Variants in GYS1 observed in about 807,000 individuals in gnomAD.
GYS1 encodes glycogen synthase 1, also known as glycogen [starch] synthase, muscle.
Under a neutral mutation model 89.1 loss-of-function variants are expected in GYS1, and 60 were observed. The ratio of observed to expected loss-of-function variants is 0.67; its 90% CI spans 0.55 to 0.84. GYS1 has a LOEUF of 0.84. Among genes scored for constraint, GYS1 ranks in the 40% least tolerant of loss-of-function variants. GYS1 has a pLI of 0.00. For missense variants in GYS1, 888 were observed against 1,003.1 expected, an observed-to-expected ratio of 0.89 and a Z score of 1.55; for synonymous variants, 366 against 401.7, an observed-to-expected ratio of 0.91 and a Z score of 1.06.
chr19:48,973,169 C>T (rs982959915), intron 12 of GYS1, among the ~76,000 whole-genome samples: 3 of 152,040 alleles, frequency 2.0e-5, no homozygotes, highest in Admixed American at 2.0e-4. Context: ...TATAAATGTT[C>T]GTTTTTCCTG....
At position 48,991,324 on chromosome 19, in the gene GYS1, G is replaced by A. The variant is rs754411503; in HGVS notation, c.278C>T (p.Ser93Phe). The A allele has an allele frequency of 3.6e-5, 58 of 1,613,830 alleles. No individual in the cohort carries two copies. Among genetic ancestry groups the A allele is most frequent in the Non-Finnish European group, 4.7e-5 (55 of 1,180,050 alleles). Residue 93 changes from serine (S) to phenylalanine (F), a missense_variant, in exon 2 of 16, where the codon TCC (serine) becomes TTC (phenylalanine). Transcript: ENST00000323798. The surrounding 1 kb of genome is among the most constrained non-coding windows in gnomAD (Gnocchi z 4.7). Reference protein sequence around the residue: ...PTPALKRTLDSMNSKGCKVYF... With the variant: ...PTPALKRTLDFMNSKGCKVYF... ...CACCTTGCAGCCCTTGCTGTTCATG[G>A]AATCCAGTGTCCTCTTCAGGGCCGG... is the stretch of plus-strand genomic sequence containing the variant.
intron 2 of GYS1, among the ~76,000 whole-genome samples, chr19:48,988,556 C>G (rs1244929412): frequency 6.6e-6 from 1 of 152,152 alleles, no homozygotes; most frequent in African/African-American, 2.4e-5. Context: ...TGCGTTCAAG[C>G]AGTTTTCTTG....
intron 12 of GYS1, among the ~76,000 whole-genome samples, chr19:48,973,953 T>TG (rs34159952): frequency 1.3e-5 from 2 of 151,182 alleles, no homozygotes; most frequent in Admixed American, 6.6e-5. Flanking sequence ...TGCCACTATT[T>TG]GGGGGGCCAC....
At chr19:48,990,596 C>T (rs1373662913) in intron 2 of GYS1, among the ~76,000 whole-genome samples, 1 of 152,164 alleles carries the variant, frequency 6.6e-6, no homozygotes, top group Non-Finnish European at 1.5e-5. Context: ...AATGTGCTAC[C>T]TTCATGCCAA....
Position 48,969,461 on chromosome 19 carries a change from C to T in GYS1, c.2041G>A (p.Ala681Thr). ...DGERYDEDEE[A>T]AKDRRNIRAP... ...CGGATGTTGCGCCGGTCCTTGGCGG[C>T]CTCCTCGTCCTCATCGTAGCGCTCG... Residue 681 changes from alanine (A) to threonine (T), a missense_variant, in exon 16 of 16, where the codon GCC (alanine) becomes ACC (threonine). Transcript: ENST00000323798. The T allele has an allele frequency of 6.5e-7, 1 of 1,544,936 alleles. No homozygotes were observed. The highest frequency in any genetic ancestry group is 1.2e-5 in the South Asian group (1 of 83,998).
chr19:48,968,985 C>T lies in GYS1; in HGVS notation c.*303G>A. On this transcript the variant is annotated 3_prime_UTR_variant, in exon 16 of 16. Coordinates refer to ENST00000323798, the MANE Select transcript of GYS1 (RefSeq NM_002103.5). ...AGCACCATGCCAGGTTTCCTAAAAC[C>T]TCTGGCACCACCGCAGAGTAATGGC... 1 of 608,016 alleles carries T rather than the reference C, an allele frequency of 1.6e-6. No individual in the cohort carries two copies. Among genetic ancestry groups the T allele is most frequent in the South Asian group, 1.5e-5 (1 of 65,870 alleles). The allele number at this position is 608,016 out of a possible 1,614,324, so 37.7% of individuals were successfully genotyped here.
chr19:48,985,727 G>A, intron 4 of GYS1, 122 bp from the exon 5 acceptor site: 3 of 1,493,606 alleles, frequency 2.0e-6, no homozygotes, highest in Non-Finnish European at 1.9e-6. Flanking sequence ...GAGGTAGGAG[G>A]GGTCTGGGGA....
intron 9 of GYS1, 42 bp from the exon 10 acceptor site, chr19:48,978,044 G>A: frequency 6.2e-7 from 1 of 1,607,876 alleles, no homozygotes; most frequent in Non-Finnish European, 8.5e-7. Flanking sequence ...ACGGAGTAAT[G>A]AGAGGGGTTA....
At position 48,970,727 on chromosome 19, in the gene GYS1, C is replaced by T. The variant is rs1352347415; in HGVS notation, c.1646-18G>A. ...GTAGATACCTGTGGAGGCCAGGACC[C>T]AGGTTCAGAAAACATCCTGGGGAGA... On this transcript the variant is annotated intron_variant, in intron 13 of 15. Transcript: ENST00000323798. 1 of 1,612,826 alleles carries T rather than the reference C, an allele frequency of 6.2e-7. No homozygotes were observed. The highest frequency in any genetic ancestry group is 1.3e-5 in the African/African-American group (1 of 74,898).
In GYS1 at chr19:48,985,442, A is replaced by T; in HGVS notation, c.823+19T>A. On this transcript the variant is annotated intron_variant, in intron 5 of 15. Transcript: ENST00000323798. ...CTGCCTACCTCATTCACGTCTGGGG[A>T]CTTCAGCCCAGCCCCTACCTGGTTT... 2.5e-6 allele frequency: 4 copies of T among 1,612,094 alleles called. No individual in the cohort carries two copies. The highest frequency in any genetic ancestry group is 3.4e-6 in the Non-Finnish European group (4 of 1,179,654).
intron 12 of GYS1, among the ~76,000 whole-genome samples, chr19:48,972,002 C>G (rs567822026): frequency 6.7e-6 from 1 of 148,560 alleles, no homozygotes; most frequent in South Asian, 2.1e-4. Flanking sequence ...GCTGGGACTA[C>G]GAGCACACAA....
At chr19:48,986,509 CTTTTTTTTTTT>C (rs1222256823) in intron 3 of GYS1, among the ~76,000 whole-genome samples, 2 of 132,296 alleles carry the variant, frequency 1.5e-5, no homozygotes, top group African/African-American at 5.6e-5. Context: ...TTTTCTTTTT[CTTTTTTTTTTT>C]GAGACAGTGT....
Position 48,970,684 on chromosome 19 carries a change from G to A in GYS1, c.1671C>T (p.Phe557=), listed in dbSNP as rs2038550345. ...GCGAGCAGGAATCATCCAGGCTGCG[G>A]AACCGCCGGTCAAGAATGTAGATAC... is the stretch of plus-strand genomic sequence containing the variant. The part of the protein sequence containing the change: ...AYGIYILDRR[F]RSLDDSCSQL... The change falls in exon 14 of 16, where the codon TTC becomes TTT. Residue 557 remains phenylalanine, a synonymous_variant. Transcript: ENST00000323798. The A allele has an allele frequency of 1.2e-6, 2 of 1,613,798 alleles. No homozygotes were observed. The highest frequency in any genetic ancestry group is 1.3e-5 in the African/African-American group (1 of 74,902).
intron 5 of GYS1, 140 bp downstream of exon 5, chr19:48,985,321 G>A: frequency 1.2e-6 from 1 of 830,080 alleles, no homozygotes; most frequent in South Asian, 1.5e-5. Context: ...ACAGGTGTGA[G>A]CCACCATGCC....
chr19:48,970,350 G>A (rs947631461), intron 14 of GYS1, 196 bp downstream of exon 14: 1 of 594,710 alleles, frequency 1.7e-6, no homozygotes, highest in African/African-American at 1.9e-5. Context: ...TAACTCCTGA[G>A]CTCATGCGAT....
chr19:48,975,311 C>G lies in GYS1; in HGVS notation c.1309-578G>C, dbSNP rs550517105. 9.7e-4 allele frequency among the ~76,000 whole-genome samples: 145 copies of G among 149,984 alleles called. 1 individual carries two copies. The highest frequency in any genetic ancestry group is 1.3e-3 in the South Asian group (6 of 4,720). ...TTGGTCTCGAACTCATGGGCTCAAGCGATGCATCCGTTTTGGCCTCCCGAA... is the reference window on the plus strand; with the variant it reads ...TTGGTCTCGAACTCATGGGCTCAAGGGATGCATCCGTTTTGGCCTCCCGAA... On this transcript the variant is annotated intron_variant, in intron 10 of 15. Transcript: ENST00000323798.
chr19:48,984,272 G>T (rs530589010), intron 5 of GYS1, among the ~76,000 whole-genome samples: 2 of 152,118 alleles, frequency 1.3e-5, no homozygotes, highest in South Asian at 4.2e-4. Context: ...CTTCCAAAGT[G>T]CTGGGATTAC....
intron 5 of GYS1, 136 bp from the exon 6 acceptor site, chr19:48,982,973 T>G (rs2038790051): frequency 4.2e-6 from 3 of 715,632 alleles, no homozygotes; most frequent in Non-Finnish European, 7.6e-6. Context: ...AGGTCCCCCC[T>G]CCCACCTTTT....
intron 12 of GYS1, among the ~76,000 whole-genome samples, chr19:48,973,896 A>G (rs1461191223): frequency 1.3e-5 from 2 of 152,122 alleles, no homozygotes; most frequent in African/African-American, 4.8e-5. Context: ...ACGTCTTACG[A>G]GGAGACTTGG....
Sources: gnomAD v4.1 joint callset for allele counts (sites outside exome capture counted in the v4.1 genomes callset) on GRCh38, gnomAD v4.1.1 for gene constraint, Gnocchi (gnomAD v3.1) non-coding constraint, MANE v1.5 for transcripts, NCBI Gene and HGNC (gene_info 2026-07-23, HGNC 2026-07-21) for gene names.